The following RPAP3 variants were observed in gnomAD, a reference collection of about 807,000 sequenced individuals.
RPAP3 encodes RNA polymerase II-associated protein 3.
A neutral mutation model predicts 88.8 loss-of-function variants in RPAP3; 58 were observed. That is an observed-to-expected ratio of 0.65 (90% CI 0.53 to 0.81). The LOEUF is 0.81. RPAP3 is among the 40% of genes least tolerant of loss of function. The pLI, the probability that RPAP3 is intolerant of heterozygous loss-of-function variation, is 0.00. For synonymous variants in RPAP3, 255 were observed against 259.9 expected (o/e 0.98, Z 0.18); for missense variants, 751 against 764.3 (o/e 0.98, Z 0.20).
chr12:47,668,282 G>C (rs549803789), intron 14 of RPAP3, among the ~76,000 whole-genome samples: 1 of 152,164 alleles, frequency 6.6e-6, no homozygotes, highest in Non-Finnish European at 1.5e-5. Context: ...ATAGAAGAAT[G>C]AAAGTTACAG....
At chr12:47,701,119 T>C (rs1939646266) in intron 3 of RPAP3, 3 of 160,662 alleles carry the variant, frequency 1.9e-5, no homozygotes, top group South Asian at 1.9e-4. Context: ...GTTTTGATAC[T>C]GTATACTACA....
intron 3 of RPAP3, among the ~76,000 whole-genome samples, chr12:47,698,830 C>T (rs996622574): frequency 1.3e-5 from 2 of 152,050 alleles, no homozygotes; most frequent in African/African-American, 2.4e-5. Flanking sequence ...CATTAAAGCA[C>T]ATTTAAATAC....
At chr12:47,693,555 G>A (rs925644343) in intron 5 of RPAP3, among the ~76,000 whole-genome samples, 1 of 152,150 alleles carries the variant, frequency 6.6e-6, no homozygotes, top group African/African-American at 2.4e-5. Flanking sequence ...ATCTGTGGAC[G>A]CAATAAAGCG....
chr12:47,704,298 A>G (rs1939725480), intron 1 of RPAP3, among the ~76,000 whole-genome samples: 1 of 152,084 alleles, frequency 6.6e-6, no homozygotes, highest in Admixed American at 6.5e-5. Flanking sequence ...AGAAAGTGAG[A>G]GGTTAGCAGT....
At chr12:47,687,381 T>C (rs1939346576) in intron 8 of RPAP3, among the ~76,000 whole-genome samples, 1 of 152,168 alleles carries the variant, frequency 6.6e-6, no homozygotes, top group South Asian at 2.1e-4. Flanking sequence ...GGAATTTGTA[T>C]ACCTGATTTC....
rs569997153 is a variant in RPAP3 at position 47,691,835 on chromosome 12, T to G, written c.546-1196A>C. Among the ~76,000 whole-genome samples, 39 of 151,758 alleles carry G rather than the reference T, an allele frequency of 2.6e-4. No homozygotes were observed. In the South Asian group the frequency reaches 7.5e-3, roughly 29 times the overall value. ...GATCTGGCTCACTGCAACCTCTGCC[T>G]CCCGGGTTCACGCCATTCTCCTGCC... On this transcript the variant is annotated intron_variant, in intron 5 of 16. Coordinates refer to ENST00000005386, the MANE Select transcript of RPAP3 (RefSeq NM_024604.3).
rs775837173 is a variant in RPAP3 at position 47,670,199 on chromosome 12, C to A, written c.1434G>T (p.Lys478Asn). 3 of 1,613,950 alleles carry A rather than the reference C, an allele frequency of 1.9e-6. No homozygotes were observed. The highest frequency in any genetic ancestry group is 1.1e-5 in the South Asian group (1 of 91,084). The change falls in exon 13 of 17, where the codon AAG (lysine) becomes AAT (asparagine). Residue 478 changes from lysine to asparagine, a missense_variant. Lys to Asn is a moderately conservative substitution (Grantham distance 94). Transcript: ENST00000005386. ...VIAATGTTSK[K>N]NSSQDDLFPT... is the part of the protein sequence containing the mutation. ...GAAAAAGGTCATCTTGGCTTGAATTCTTCTTACTTGTGGTGCCTGTGGCTG... is the reference window on the plus strand; with the variant it reads ...GAAAAAGGTCATCTTGGCTTGAATTATTCTTACTTGTGGTGCCTGTGGCTG...
intron 7 of RPAP3, 42 bp downstream of exon 7, chr12:47,689,083 A>C: frequency 1.2e-6 from 1 of 857,542 alleles, no homozygotes; most frequent in Non-Finnish European, 1.9e-6. Context: ...ACTTCTTCAA[A>C]TAAAGGTCAT....
chr12:47,669,433 A>G (rs2136608239), intron 13 of RPAP3, among the ~76,000 whole-genome samples: 1 of 152,304 alleles, frequency 6.6e-6, no homozygotes, highest in South Asian at 2.1e-4. Flanking sequence ...GATCTAAATG[A>G]TCATTTTCAA....
chr12:47,702,576 C>G (rs1477601824), intron 2 of RPAP3, 112 bp downstream of exon 2: 7 of 878,862 alleles, frequency 8.0e-6, no homozygotes, highest in South Asian at 5.9e-5. Flanking sequence ...AGAAAATTGA[C>G]AGTGAAGCAA....
intron 12 of RPAP3, among the ~76,000 whole-genome samples, chr12:47,679,263 G>A (rs1239262433): frequency 2.0e-5 from 3 of 152,124 alleles, no homozygotes; most frequent in Non-Finnish European, 4.4e-5. Flanking sequence ...GGTGGGTTGG[G>A]GGAGGGATAG....
At chr12:47,685,421 C>G (rs992425846) in intron 9 of RPAP3, among the ~76,000 whole-genome samples, 7 of 151,218 alleles carry the variant, frequency 4.6e-5, no homozygotes, top group Non-Finnish European at 1.0e-4. Flanking sequence ...CACATTATAA[C>G]GGTTACTGGT....
intron 10 of RPAP3, 115 bp from the exon 11 acceptor site, chr12:47,679,889 T>C (rs946007656): frequency 1.5e-6 from 1 of 679,750 alleles, no homozygotes; most frequent in Non-Finnish European, 2.5e-6. Flanking sequence ...CAAGCAGTTT[T>C]ACTCAGATTA....
intron 1 of RPAP3, among the ~76,000 whole-genome samples, chr12:47,704,996 G>A (rs985379681): frequency 1.3e-5 from 2 of 151,236 alleles, no homozygotes; most frequent in African/African-American, 2.4e-5. Context: ...AAAAAAAGGA[G>A]GGGGGGGAAT....
intron 5 of RPAP3, among the ~76,000 whole-genome samples, chr12:47,694,658 TA>T (rs796634469): frequency 1.6e-3 from 196 of 120,790 alleles, no homozygotes; most frequent in East Asian, 5.4e-3. Flanking sequence ...GGAAAAGCCC[TA>T]AAAAAAAAAA....
At position 47,662,169 on chromosome 12, in the gene RPAP3, G is replaced by A. The variant is rs1312713943; in HGVS notation, c.*1336C>T. On this transcript the variant is annotated 3_prime_UTR_variant, in exon 17 of 17. Transcript: ENST00000005386. ...ATCACTTCCCAAAGGCCCCACCTCC[G>A]AAGACCATCGCCTTCAGGGTTAGGA... The A allele has an allele frequency of 6.6e-6, 1 of 152,144 alleles. No individual in the cohort carries two copies. Among genetic ancestry groups the A allele is most frequent in the African/African-American group, 2.4e-5 (1 of 41,418 alleles). The allele number at this position is 152,144 out of a possible 1,614,324, so 9.4% of individuals were successfully genotyped here. A position where few individuals can be genotyped will look rare whatever the true frequency, so the allele number is the denominator to read the frequency against.
chr12:47,676,106 C>A (rs1431537060), intron 12 of RPAP3, among the ~76,000 whole-genome samples: 1 of 152,174 alleles, frequency 6.6e-6, no homozygotes, highest in Non-Finnish European at 1.5e-5. Context: ...CAAAACTGCA[C>A]AACTGCATGG....
Position 47,679,698 on chromosome 12 carries a change from C to A in RPAP3, c.1185+6G>T. Reference sequence around the variant, plus strand: ...TGACCATGTTTGGGTGAAAAGAATACATTACCTTTTTAATTTTGGAGAGTT... The same window carrying A: ...TGACCATGTTTGGGTGAAAAGAATAAATTACCTTTTTAATTTTGGAGAGTT... On this transcript the variant is annotated splice_donor_region_variant and intron_variant, in intron 11 of 16. Transcript: ENST00000005386. 1 of 1,593,874 alleles carries A rather than the reference C, an allele frequency of 6.3e-7. No homozygotes were observed. Among genetic ancestry groups the A allele is most frequent in the Non-Finnish European group, 8.6e-7 (1 of 1,165,800 alleles).
chr12:47,665,734 G>A (rs1233047), intron 16 of RPAP3, among the ~76,000 whole-genome samples: 20,109 of 151,846 alleles, frequency 0.13, 1,681 homozygotes, highest in East Asian at 0.37. Context: ...TCAACCTTCC[G>A]TGCTGAAACG....
Sources: allele counts gnomAD v4.1 joint callset (sites outside exome capture counted in the v4.1 genomes callset), GRCh38; gene constraint gnomAD v4.1.1; transcripts MANE v1.5; gene names NCBI Gene and HGNC (gene_info 2026-07-23, HGNC 2026-07-21).